Variants in ANKRD36C observed in about 807,000 individuals in gnomAD.
ANKRD36C encodes the protein ankyrin repeat domain 36C, also known as ankyrin repeat domain-containing protein 36C.
Under a neutral mutation model 276.4 loss-of-function variants are expected in ANKRD36C, and 61 were observed. The ratio of observed to expected loss-of-function variants is 0.22; its 90% confidence interval spans 0.18 to 0.27. ANKRD36C has a LOEUF of 0.27. Ranked by LOEUF, ANKRD36C falls within the 10% of genes least tolerant of loss-of-function variation. The pLI, the probability that ANKRD36C is intolerant of heterozygous loss-of-function variation, is 1.00. For missense variants in ANKRD36C, 1,447 were observed against 2,032.3 expected, an observed-to-expected ratio of 0.71 and a Z score of 5.54; for synonymous variants, 483 against 680.1, an observed-to-expected ratio of 0.71 and a Z score of 4.51.
chr2:95,982,269 C>T (rs2104537787), exon 4 of ANKRD36C: 1 of 1,547,048 alleles, frequency 6.5e-7, no homozygotes, highest in South Asian at 1.2e-5. Context: ...CCAAGATAAT[C>T]AACGGCATTT....
intron 24 of ANKRD36C, among the ~76,000 whole-genome samples, chr2:95,930,889 G>A (rs1232632437): frequency 6.6e-5 from 10 of 151,256 alleles, no homozygotes; most frequent in Non-Finnish European, 1.5e-5. Flanking sequence ...AAAACTTCTA[G>A]GGAGAAGAAA....
chr2:95,885,885 A>T (rs1051972738), intron 52 of ANKRD36C, among the ~76,000 whole-genome samples, 163 bp downstream of exon 72: 1 of 151,770 alleles, frequency 6.6e-6, no homozygotes, highest in Non-Finnish European at 1.5e-5. Context: ...ATGGTCAAGG[A>T]CCAGCACCAT....
At chr2:95,879,992 C>G (rs1475725474) in intron 58 of ANKRD36C, among the ~76,000 whole-genome samples, 7 of 141,132 alleles carry the variant, frequency 5.0e-5, no homozygotes, top group Non-Finnish European at 1.1e-4. Context: ...ACCAGCCTGA[C>G]CAACATGGAG....
At chr2:95,870,683 G>C (rs1675787774) in intron 59 of ANKRD36C, among the ~76,000 whole-genome samples, 1 of 152,210 alleles carries the variant, frequency 6.6e-6, no homozygotes, top group Non-Finnish European at 1.5e-5. Context: ...TTGACGAGTT[G>C]AGAGAAGAAG....
intron 24 of ANKRD36C, among the ~76,000 whole-genome samples, chr2:95,934,438 G>C (rs1248427445): frequency 6.6e-6 from 1 of 152,018 alleles, no homozygotes; most frequent in East Asian, 1.9e-4. Context: ...AAAAGGATGA[G>C]TTCATGTCCT....
intron 8 of ANKRD36C, among the ~76,000 whole-genome samples, chr2:95,961,166 A>C (rs1223716768): frequency 6.6e-6 from 1 of 152,152 alleles, no homozygotes; most frequent in African/African-American, 2.4e-5. Context: ...TACACTTCCC[A>C]AGTGCTCTGT....
At chr2:95,895,757 A>G (rs973705647) in intron 44 of ANKRD36C, among the ~76,000 whole-genome samples, 167 bp from the exon 61 acceptor site, 5 of 151,062 alleles carry the variant, frequency 3.3e-5, no homozygotes, top group Non-Finnish European at 7.4e-5. Context: ...AATACACTGA[A>G]AAAAGGGAAC....
At chr2:95,910,264 G>C in intron 42 of ANKRD36C, 109 bp downstream of exon 46, 1 of 1,249,056 alleles carries the variant, frequency 8.0e-7, no homozygotes, top group Non-Finnish European at 1.1e-6. Context: ...TCTCCGGCCT[G>C]CTGAATCAGA....
chr2:95,917,324 T>C (rs1403201964), intron 36 of ANKRD36C, among the ~76,000 whole-genome samples: 1 of 151,572 alleles, frequency 6.6e-6, no homozygotes, highest in African/African-American at 2.4e-5. Context: ...TCAGATTTCC[T>C]CAGCAGAAAC....
At chr2:95,897,234 G>C (rs914038313) in intron 44 of ANKRD36C, 36 bp downstream of exon 60, 44 of 1,397,270 alleles carry the variant, frequency 3.1e-5, no homozygotes, top group Middle Eastern at 2.5e-4. Context: ...TATCTATCTG[G>C]ACTGAACATG....
chr2:95,918,272 T>C (rs1423365810), intron 34 of ANKRD36C, among the ~76,000 whole-genome samples: 2 of 151,646 alleles, frequency 1.3e-5, no homozygotes, highest in African/African-American at 4.8e-5. Context: ...TGATTCGTCA[T>C]ACGTCGAAAA....
intron 6 of ANKRD36C, among the ~76,000 whole-genome samples, chr2:95,972,587 C>G (rs1006363848): frequency 6.6e-6 from 1 of 152,148 alleles, no homozygotes; most frequent in Non-Finnish European, 1.5e-5. Flanking sequence ...CTAAGTGAAT[C>G]GCCAAACACA....
chr2:95,891,705 A>C, exon 46 of ANKRD36C: 1 of 1,579,636 alleles, frequency 6.3e-7, no homozygotes, highest in Non-Finnish European at 8.6e-7. Flanking sequence ...CTCTGGCTAT[A>C]TTCAAAACAG....
exon 1 of ANKRD36C, chr2:95,991,742 A>C (rs781048694): frequency 6.2e-7 from 1 of 1,604,992 alleles, no homozygotes; most frequent in Non-Finnish European, 8.5e-7. Context: ...CTGCAGCCGT[A>C]TTTCAGCTCG....
At chr2:95,850,869 T>G (rs74476400), downstream of ANKRD36C, among the ~76,000 whole-genome samples, 6 of 152,194 alleles carry the variant, frequency 3.9e-5, no homozygotes, top group African/African-American at 7.2e-5. Context: ...CAGTTTCAGT[T>G]TGCAGGCTGA....
At chr2:95,874,886 T>G (rs1675906454) in intron 59 of ANKRD36C, among the ~76,000 whole-genome samples, 1 of 152,154 alleles carries the variant, frequency 6.6e-6, no homozygotes, top group African/African-American at 2.4e-5. Flanking sequence ...AACAGACACT[T>G]CTCAAAAGAA....
intron 19 of ANKRD36C, among the ~76,000 whole-genome samples, chr2:95,944,172 T>C (rs889853186): frequency 2.0e-5 from 3 of 152,208 alleles, no homozygotes; most frequent in African/African-American, 7.2e-5. Flanking sequence ...CATTCTACTG[T>C]CATTTAAATT....
At chr2:95,871,665 A>G (rs1424694000) in intron 59 of ANKRD36C, among the ~76,000 whole-genome samples, 1 of 152,188 alleles carries the variant, frequency 6.6e-6, no homozygotes, top group African/African-American at 2.4e-5. Context: ...CAGACATAAC[A>G]ATATTAACTT....
At chr2:95,923,830 A>G (rs1677339387) in intron 30 of ANKRD36C, 141 bp from the exon 31 acceptor site, 1 of 1,254,210 alleles carries the variant, frequency 8.0e-7, no homozygotes, top group Non-Finnish European at 1.1e-6. Flanking sequence ...GGACTGGAAC[A>G]TGACAGAAAT....
Sources: gnomAD v4.1 joint callset for allele counts (sites outside exome capture counted in the v4.1 genomes callset) on GRCh38, gnomAD v4.1.1 for gene constraint, MANE v1.5 for transcripts, NCBI Gene and HGNC (gene_info 2026-07-23, HGNC 2026-07-21) for gene names.